PLA2G4D: variants seen among roughly 807,000 people sequenced by gnomAD.
PLA2G4D encodes cytosolic phospholipase A2 delta.
A neutral mutation model predicts 94.4 loss-of-function variants in PLA2G4D; 80 were observed. That is an observed-to-expected ratio of 0.85 (90% CI 0.71 to 1.02). The LOEUF (loss-of-function observed/expected upper bound fraction) is 1.02, where lower values mean the gene tolerates loss of function less well. Ranked by LOEUF, PLA2G4D falls within the 50% of genes least tolerant of loss-of-function variation. PLA2G4D has a pLI of 0.00. For synonymous variants in PLA2G4D, 438 were observed against 440.9 expected (o/e 0.99, Z 0.08); for missense variants, 1,050 against 1,034.7 (o/e 1.01, Z -0.20).
chr15:42,093,785 T>C (rs1452453850), intron 1 of PLA2G4D, among the ~76,000 whole-genome samples: 1 of 152,140 alleles, frequency 6.6e-6, no homozygotes, highest in Non-Finnish European at 1.5e-5. Context: ...ACAGTGACCT[T>C]GACACACTTA....
intron 10 of PLA2G4D, 22 bp downstream of exon 10, chr15:42,081,775 C>G (rs776427748): frequency 1.1e-5 from 17 of 1,614,076 alleles, no homozygotes; most frequent in Non-Finnish European, 1.4e-5. Context: ...TCACTGTCCC[C>G]ACAGATGTGA....
chr15:42,089,093 C>T (rs554484544), intron 1 of PLA2G4D, among the ~76,000 whole-genome samples: 8 of 152,398 alleles, frequency 5.2e-5, no homozygotes, highest in African/African-American at 1.9e-4. Flanking sequence ...CCCGCTCCTC[C>T]CCGACCCTGA....
chr15:42,069,517 G>A (rs1889758201), intron 19 of PLA2G4D, among the ~76,000 whole-genome samples: 1 of 152,158 alleles, frequency 6.6e-6, no homozygotes, highest in Non-Finnish European at 1.5e-5. Flanking sequence ...TAAATTTCGG[G>A]AGCCCCTGAG....
chr15:42,081,907 T>C, intron 9 of PLA2G4D, 73 bp from the exon 10 acceptor site: 1 of 1,440,580 alleles, frequency 6.9e-7, no homozygotes, highest in East Asian at 2.3e-5. Context: ...CCTGGGGACT[T>C]GGTCCCCTTC....
In PLA2G4D at chr15:42,070,335, C is replaced by G. The variant is rs187806980; in HGVS notation, c.2044-240G>C. 181 of 525,850 alleles carry G rather than the reference C, an allele frequency of 3.4e-4. 1 individual carries two copies. Among genetic ancestry groups the G allele is most frequent in the Non-Finnish European group, 5.4e-4 (165 of 303,802 alleles). The allele number at this position is 525,850 out of a possible 1,614,324, so 32.6% of individuals were successfully genotyped here. ...GGGTCAGACCCATCCCCCAGCCCCCCAAAACCCCAATTCTGGATTGCTATT... is the reference window on the plus strand; with the variant it reads ...GGGTCAGACCCATCCCCCAGCCCCCGAAAACCCCAATTCTGGATTGCTATT... On this transcript the variant is annotated intron_variant, in intron 18 of 19. Transcript: ENST00000290472.
chr15:42,086,194 T>TGGGGGGCCCC lies in PLA2G4D; in HGVS notation c.387+18_387+19insGGGGCCCCCC. The TGGGGGGCCCC allele has an allele frequency of 3.6e-6, 5 of 1,370,438 alleles. No individual in the cohort carries two copies. Among genetic ancestry groups the TGGGGGGCCCC allele is most frequent in the Non-Finnish European group, 4.8e-6 (5 of 1,043,078 alleles). The allele number at this position is 1,370,438 out of a possible 1,614,324, so 84.9% of individuals were successfully genotyped here. A position where few individuals can be genotyped will look rare whatever the true frequency, so the allele number is the denominator to read the frequency against. On this transcript the variant is annotated intron_variant, in intron 4 of 19. Coordinates refer to ENST00000290472, the MANE Select transcript of PLA2G4D (RefSeq NM_178034.4). ...GGAAGAAGTGGGGCCCACGGGGACT[T>TGGGGGGCCCC]CCCCACCCACCCACCCACCTGGGGA...
At position 42,084,999 on chromosome 15, in the gene PLA2G4D, C is replaced by A. The variant is rs550423322; in HGVS notation, c.471+97G>T. On this transcript the variant is annotated intron_variant, in intron 6 of 19. Coordinates refer to ENST00000290472, the MANE Select transcript of PLA2G4D (RefSeq NM_178034.4). This position sits in a 1 kb window ranked among gnomAD's most constrained non-coding sequence, Gnocchi z 4.8. ...GTGGTTTTACCACGAAGCCCTGCCC[C>A]TTCCTTGTCCCTGCTGGTCCACACC... The A allele has an allele frequency of 9.8e-6, 14 of 1,425,190 alleles. No homozygotes were observed. In the South Asian group the frequency reaches 1.5e-4, roughly 15 times the overall value. The allele number at this position is 1,425,190 out of a possible 1,614,324, so 88.3% of individuals were successfully genotyped here. A position where few individuals can be genotyped will look rare whatever the true frequency, so the allele number is the denominator to read the frequency against.
chr15:42,093,160 A>C (rs1402073182), intron 1 of PLA2G4D, among the ~76,000 whole-genome samples: 2 of 152,190 alleles, frequency 1.3e-5, no homozygotes, highest in East Asian at 3.9e-4. Flanking sequence ...GGCTAGGCTA[A>C]ACCGCTGCTG....
chr15:42,072,271 G>C lies in PLA2G4D; in HGVS notation c.1435+4C>G, dbSNP rs930124280. ...ATGTGGGAGGGGAGTAGGTAGAACTGTACCCTTGAAGTCCAGTGTCTCCAG... is the reference window on the plus strand; with the variant it reads ...ATGTGGGAGGGGAGTAGGTAGAACTCTACCCTTGAAGTCCAGTGTCTCCAG... On this transcript the variant is annotated splice_donor_region_variant and intron_variant, in intron 14 of 19. Coordinates refer to ENST00000290472, the MANE Select transcript of PLA2G4D (RefSeq NM_178034.4). The C allele has an allele frequency of 1.9e-6, 3 of 1,610,552 alleles. No homozygotes were observed. Among genetic ancestry groups the C allele is most frequent in the Non-Finnish European group, 2.5e-6 (3 of 1,177,244 alleles).
chr15:42,083,950 G>T, intron 6 of PLA2G4D, 171 bp from the exon 7 acceptor site: 1 of 631,946 alleles, frequency 1.6e-6, no homozygotes, highest in Non-Finnish European at 2.8e-6. Context: ...ATCCTCTGCC[G>T]CGGCTGAACC....
chr15:42,079,745 A>T lies in PLA2G4D; in HGVS notation c.1109T>A (p.Leu370Gln), dbSNP rs755021428. Residue 370 changes from leucine (L) to glutamine (Q), a missense_variant, in exon 13 of 20, where the codon CTG (leucine) becomes CAG (glutamine). Physicochemically the swap from Leu to Gln is moderately radical, Grantham distance 113 (BLOSUM62 -2). Coordinates refer to ENST00000290472, the MANE Select transcript of PLA2G4D (RefSeq NM_178034.4). Reference protein sequence around the residue: ...ISGSTWTMAHLYGDPEWSQRD... With the variant: ...ISGSTWTMAHQYGDPEWSQRD... ...CTGCGACCACTCAGGGTCCCCGTAC[A>T]GGTGGGCCATTGTCCTGGAAGAACG... 1 of 1,600,732 alleles carries T rather than the reference A, an allele frequency of 6.2e-7. No individual in the cohort carries two copies. Among genetic ancestry groups the T allele is most frequent in the Admixed American group, 1.7e-5 (1 of 57,204 alleles).
Position 42,086,327 on chromosome 15 carries a change from G to T in PLA2G4D, c.273C>A (p.Ser91Arg), listed in dbSNP as rs750543528. The T allele has an allele frequency of 1.2e-6, 2 of 1,613,662 alleles. No individual in the cohort carries two copies. Among genetic ancestry groups the T allele is most frequent in the South Asian group, 1.1e-5 (1 of 91,078 alleles). The change falls in exon 4 of 20, where the codon AGC becomes AGA. Residue 91 changes from serine to arginine, a missense_variant. Ser to Arg is a moderately radical substitution (Grantham distance 110, BLOSUM62 -1). Coordinates refer to ENST00000290472, the MANE Select transcript of PLA2G4D (RefSeq NM_178034.4). ...CCGTGACTGAGTCCTCATCATAGAT[G>T]CTAAGCTCCAGAACATTCTAGGAAC... is the stretch of plus-strand genomic sequence containing the variant. ...QSQVKNVLELSIYDEDSVTED... is the reference protein window; with the variant it reads ...QSQVKNVLELRIYDEDSVTED...
At position 42,071,333 on chromosome 15, in the gene PLA2G4D, CAG is replaced by C. The variant is rs779529227; in HGVS notation, c.1682-18_1682-17del. The C allele has an allele frequency of 4.5e-6, 7 of 1,572,674 alleles. No homozygotes were observed. The Admixed American group carries it at 1.2e-4, about 27-fold the overall frequency. ...GGCTCCTTCTCTGAAGCCAGAGAAA[CAG>C]AAATTGGTCCCTTCTTCCCCTTACT... On this transcript the variant is annotated splice_polypyrimidine_tract_variant and intron_variant, in intron 16 of 19. Transcript: ENST00000290472.
chr15:42,073,663 T>C (rs1889868908), intron 13 of PLA2G4D, among the ~76,000 whole-genome samples: 1 of 152,170 alleles, frequency 6.6e-6, no homozygotes, highest in Admixed American at 6.5e-5. Context: ...TGTGTACACG[T>C]GAGAGCATGT....
At chr15:42,094,282 C>T (rs75615772) in intron 1 of PLA2G4D, 133 bp downstream of exon 1, 83,493 of 983,772 alleles carry the variant, frequency 0.085, 4,226 homozygotes, top group Middle Eastern at 0.11. Flanking sequence ...CACTCTGCAT[C>T]CCAAATCTCA....
chr15:42,073,487 G>A (rs769687044), intron 13 of PLA2G4D, among the ~76,000 whole-genome samples: 5 of 152,186 alleles, frequency 3.3e-5, no homozygotes, highest in African/African-American at 4.8e-5. Flanking sequence ...GGATTCTGCC[G>A]CCAGAGCTGA....
Position 42,068,611 on chromosome 15 carries a change from C to G in PLA2G4D, c.*104G>C. 1 of 1,135,956 alleles carries G rather than the reference C, an allele frequency of 8.8e-7. No individual in the cohort carries two copies. The highest frequency in any genetic ancestry group is 1.2e-6 in the Non-Finnish European group (1 of 807,716). 70.4% of individuals were successfully genotyped at this position (1,135,956 alleles called of 1,614,324 possible). A position where few individuals can be genotyped will look rare whatever the true frequency, so the allele number is the denominator to read the frequency against. On this transcript the variant is annotated 3_prime_UTR_variant, in exon 20 of 20. Coordinates refer to ENST00000290472, the MANE Select transcript of PLA2G4D (RefSeq NM_178034.4). Reference sequence around the variant, plus strand: ...GACCAGCTACAGAGGCCACCCAGGCCTGGGAGAGCCCAGAACTCCAACCAG... The same window carrying G: ...GACCAGCTACAGAGGCCACCCAGGCGTGGGAGAGCCCAGAACTCCAACCAG...
Position 42,071,475 on chromosome 15 carries a change from T to C in PLA2G4D, c.1650A>G (p.Lys550=). 4 of 1,613,714 alleles carry C rather than the reference T, an allele frequency of 2.5e-6. No homozygotes were observed. Among genetic ancestry groups the C allele is most frequent in the Non-Finnish European group, 3.4e-6 (4 of 1,179,800 alleles). Residue 550 remains lysine, a synonymous_variant, in exon 16 of 20, where the codon AAA becomes AAG. Coordinates refer to ENST00000290472, the MANE Select transcript of PLA2G4D (RefSeq NM_178034.4). The part of the protein sequence containing the change: ...YDLTSSGESW[K]QHIKDKTRSL... The stretch of plus-strand genomic sequence containing the variant: ...TCCTGGTCTTGTCCTTGATGTGCTG[T>C]TTCCAGGACTCCCCAGAACTGGTGA...
chr15:42,079,710 C>T lies in PLA2G4D; in HGVS notation c.1144G>A (p.Glu382Lys). The T allele has an allele frequency of 6.2e-7, 1 of 1,609,938 alleles. No individual in the cohort carries two copies. Among genetic ancestry groups the T allele is most frequent in the Non-Finnish European group, 8.5e-7 (1 of 1,178,620 alleles). The change falls in exon 13 of 20, where the codon GAG (glutamate) becomes AAG (lysine). Residue 382 changes from glutamate (E) to lysine (K), a missense_variant. Coordinates refer to ENST00000290472, the MANE Select transcript of PLA2G4D (RefSeq NM_178034.4). ...TCCCGGGCGTATCTGATAGGTCCCT[C>T]CAGGTCCCTCTGCGACCACTCAGGG... is the stretch of plus-strand genomic sequence containing the variant. ...GDPEWSQRDLEGPIRYAREHL... is the reference protein window; with the variant it reads ...GDPEWSQRDLKGPIRYAREHL...
Sources: gnomAD v4.1 joint callset for allele counts (sites outside exome capture counted in the v4.1 genomes callset) on GRCh38, gnomAD v4.1.1 for gene constraint, Gnocchi (gnomAD v3.1) non-coding constraint, MANE v1.5 for transcripts, NCBI Gene and HGNC (gene_info 2026-07-23, HGNC 2026-07-21) for gene names.